PCDHA13: variants seen among roughly 807,000 people sequenced by gnomAD.
The protein encoded by PCDHA13 is protocadherin alpha 13.
Under a neutral mutation model 64.8 loss-of-function variants are expected in PCDHA13, and 54 were observed. The ratio of observed to expected loss-of-function variants is 0.83; its 90% CI spans 0.67 to 1.04. PCDHA13 has a LOEUF of 1.04. PCDHA13 is among the 50% of genes least tolerant of loss of function. PCDHA13 has a pLI of 0.00. For missense variants in PCDHA13, 1,248 were observed against 1,254.3 expected (o/e 0.99, Z 0.08); for synonymous variants, 587 against 564.4 (o/e 1.04, Z -0.57).
At chr5:140,892,207 A>C (rs1562863208) in intron 1 of PCDHA13, among the ~76,000 whole-genome samples, 1 of 152,110 alleles carries the variant, frequency 6.6e-6, no homozygotes, top group African/African-American at 2.4e-5. Context: ...TGTGTTTTAA[A>C]ATTGTATCTT....
At chr5:140,992,319 T>C (rs1474763849) in intron 3 of PCDHA13, among the ~76,000 whole-genome samples, 1 of 152,174 alleles carries the variant, frequency 6.6e-6, no homozygotes, top group Admixed American at 6.6e-5. Context: ...GGGCATTCCC[T>C]TTTCTAAGAG....
intron 3 of PCDHA13, among the ~76,000 whole-genome samples, chr5:140,990,800 A>C (rs1474894854): frequency 3.9e-5 from 6 of 152,216 alleles, no homozygotes; most frequent in Non-Finnish European, 2.9e-5. Context: ...CATGGAATAC[A>C]GAAGAAGCTC....
chr5:140,948,902 T>C (rs943078074), intron 1 of PCDHA13, among the ~76,000 whole-genome samples: 1 of 151,528 alleles, frequency 6.6e-6, no homozygotes, highest in Non-Finnish European at 1.5e-5. Flanking sequence ...TTAAGTGGAT[T>C]CTTAGGTAAC....
At chr5:140,939,712 C>T (rs1019626550) in intron 1 of PCDHA13, among the ~76,000 whole-genome samples, 2 of 152,256 alleles carry the variant, frequency 1.3e-5, no homozygotes, top group East Asian at 1.9e-4. Context: ...TTGTGAGATA[C>T]ATTTATATTG....
intron 1 of PCDHA13, among the ~76,000 whole-genome samples, chr5:140,912,293 C>T (rs1231004722): frequency 6.6e-6 from 1 of 152,110 alleles, no homozygotes; most frequent in Admixed American, 6.6e-5. Flanking sequence ...AATACTTTGC[C>T]TCCTGTAATC....
At chr5:140,923,495 C>T (rs1274980788) in intron 1 of PCDHA13, among the ~76,000 whole-genome samples, 2 of 152,060 alleles carry the variant, frequency 1.3e-5, no homozygotes, top group African/African-American at 4.8e-5. Context: ...CACCACTGCA[C>T]TCCAGCCTGG....
intron 1 of PCDHA13, chr5:140,968,562 C>G: frequency 6.2e-7 from 1 of 1,614,208 alleles, no homozygotes; most frequent in South Asian, 1.1e-5. Flanking sequence ...CGAACTGCCC[C>G]TGCTGGCTAC....
In PCDHA13 at chr5:140,886,699, G is replaced by A. The variant is rs540537249; in HGVS notation, c.2394+2037G>A. Among the ~76,000 whole-genome samples the A allele has an allele frequency of 7.8e-4, 119 of 151,966 alleles. 1 individual carries two copies. In the East Asian group the frequency reaches 0.01, roughly 13 times the overall value. ...AAATTAGCGAGGCATGGTGGCACGC[G>A]CCTGTAATCCCAGCTACTTGGGAGG... On this transcript the variant is annotated intron_variant, in intron 1 of 3. Transcript: ENST00000289272.
chr5:140,960,417 A>G (rs1340642372), intron 1 of PCDHA13, among the ~76,000 whole-genome samples: 10 of 152,218 alleles, frequency 6.6e-5, no homozygotes, highest in African/African-American at 1.9e-4. Flanking sequence ...CAAAAAGTCA[A>G]CAATTACTTG....
Position 140,993,460 on chromosome 5 carries a change from T to TCC in PCDHA13, c.2542+10898_2542+10899insCC, listed in dbSNP as rs1554253699. ...TTCATTCCTGTTCTCCTTCTTTCTT[T>TCC]CTCACACACACACACACACACACAC... On this transcript the variant is annotated intron_variant, in intron 3 of 3. Coordinates refer to ENST00000289272, the MANE Select transcript of PCDHA13 (RefSeq NM_018904.3). Among the ~76,000 whole-genome samples, 535 of 104,558 alleles carry TCC rather than the reference T, an allele frequency of 5.1e-3. 5 individuals carry two copies. Among genetic ancestry groups the TCC allele is most frequent in the African/African-American group, 0.02 (517 of 25,554 alleles). The allele number at this position is 104,558 out of a possible 152,430, so 68.6% of individuals were successfully genotyped here. A position where few individuals can be genotyped will look rare whatever the true frequency, so the allele number is the denominator to read the frequency against.
intron 1 of PCDHA13, among the ~76,000 whole-genome samples, chr5:140,957,220 G>A (rs1356437193): frequency 2.6e-5 from 4 of 152,192 alleles, no homozygotes; most frequent in Non-Finnish European, 5.9e-5. Flanking sequence ...CAAAAATTTG[G>A]CGAAGCATTT....
intron 1 of PCDHA13, among the ~76,000 whole-genome samples, chr5:140,900,475 C>G (rs2153470131): frequency 6.6e-6 from 1 of 152,298 alleles, no homozygotes; most frequent in East Asian, 1.9e-4. Flanking sequence ...CGGAGTTTCT[C>G]CATGTTGGTC....
chr5:140,966,290 G>A (rs2095989541), intron 1 of PCDHA13: 3 of 375,186 alleles, frequency 8.0e-6, no homozygotes, highest in Non-Finnish European at 1.4e-5. Flanking sequence ...GGGGTAGGGA[G>A]AAAGGGAGTG....
Position 141,010,322 on chromosome 5 carries a change from C to G in PCDHA13, c.*385C>G. 6.5e-7 allele frequency: 1 copy of G among 1,540,986 alleles called. No homozygotes were observed. The highest frequency in any genetic ancestry group is 8.7e-7 in the Non-Finnish European group (1 of 1,143,174). Reference sequence around the variant, plus strand: ...GCTGAAAAGTTTTGAGATTGAGCAGCTTGGGAGTTTGTGGCCACTGGGTAT... The same window carrying G: ...GCTGAAAAGTTTTGAGATTGAGCAGGTTGGGAGTTTGTGGCCACTGGGTAT... On this transcript the variant is annotated 3_prime_UTR_variant, in exon 4 of 4. Transcript: ENST00000289272.
intron 3 of PCDHA13, among the ~76,000 whole-genome samples, chr5:140,993,514 A>T (rs1239398977): frequency 6.6e-6 from 1 of 150,498 alleles, no homozygotes; most frequent in East Asian, 1.9e-4. Flanking sequence ...ACACACGGGG[A>T]GAGAGAGACA....
chr5:141,000,887 AAC>A (rs1554257872), intron 3 of PCDHA13, among the ~76,000 whole-genome samples: 4 of 152,188 alleles, frequency 2.6e-5, no homozygotes. Context: ...CAACCTGGGC[AAC>A]AGATATAGAC....
At chr5:140,937,190 A>T (rs1255488487) in intron 1 of PCDHA13, among the ~76,000 whole-genome samples, 1 of 151,824 alleles carries the variant, frequency 6.6e-6, no homozygotes, top group East Asian at 2.0e-4. Context: ...GGCGCCCGCC[A>T]CCATGCCCGG....
chr5:140,963,196 G>GA (rs199602110), intron 1 of PCDHA13, among the ~76,000 whole-genome samples: 256 of 147,602 alleles, frequency 1.7e-3, no homozygotes, highest in African/African-American at 4.3e-3. Flanking sequence ...CTGTGAAAAT[G>GA]AAAAAAAAAA....
At chr5:140,946,634 A>ATATATAT (rs1554217761) in intron 1 of PCDHA13, among the ~76,000 whole-genome samples, 3 of 147,376 alleles carry the variant, frequency 2.0e-5, no homozygotes, top group African/African-American at 5.1e-5. Context: ...ATATATATAC[A>ATATATAT]ATGGAATACT....
Sources: allele counts gnomAD v4.1 joint callset (sites outside exome capture counted in the v4.1 genomes callset), GRCh38; gene constraint gnomAD v4.1.1; transcripts MANE v1.5; gene names NCBI Gene and HGNC (gene_info 2026-07-23, HGNC 2026-07-21).